Variants in MAF observed in about 807,000 individuals in gnomAD.
The protein encoded by MAF is transcription factor Maf.
Under a neutral mutation model 22.0 loss-of-function variants are expected in MAF, and 10 were observed. That is an observed-to-expected ratio of 0.45 (90% CI 0.28 to 0.77). The LOEUF is 0.77. Ranked by LOEUF, MAF falls within the 30% of genes least tolerant of loss-of-function variation. MAF has a pLI of 0.12. For synonymous variants in MAF, 337 were observed against 255.8 expected, an observed-to-expected ratio of 1.32 and a Z score of -3.03; for missense variants, 544 against 548.4, an observed-to-expected ratio of 0.99 and a Z score of 0.08.
the MAF span, among the ~76,000 whole-genome samples, chr16:79,574,382 T>C: frequency 6.6e-6 from 1 of 152,206 alleles, no homozygotes; most frequent in Non-Finnish European, 1.5e-5. Flanking sequence ...TGCAAATAAT[T>C]TGGGAATACC....
chr16:79,575,540 A>G, the MAF span, among the ~76,000 whole-genome samples: 1 of 152,182 alleles, frequency 6.6e-6, no homozygotes, highest in Admixed American at 6.5e-5. Flanking sequence ...GACTCTAGCC[A>G]ACCTCTGCTG....
intron 1 of MAF, chr16:79,595,517 G>T (rs1191372229): frequency 6.6e-6 from 7 of 1,059,806 alleles, no homozygotes; most frequent in Non-Finnish European, 6.9e-6. Flanking sequence ...GGTGTGCTAG[G>T]GGAAGATGAC....
the MAF span, among the ~76,000 whole-genome samples, chr16:79,239,981 G>C: frequency 6.6e-6 from 1 of 151,974 alleles, no homozygotes; most frequent in African/African-American, 2.4e-5. Flanking sequence ...GCCATGCCCA[G>C]GAAGGCTTCA....
At chr16:79,222,942 C>G in the MAF span, among the ~76,000 whole-genome samples, 4 of 152,198 alleles carry the variant, frequency 2.6e-5, no homozygotes, top group Non-Finnish European at 5.9e-5. Flanking sequence ...ACTCCACTGT[C>G]AATATTAGAC....
the MAF span, among the ~76,000 whole-genome samples, chr16:79,306,066 C>A: frequency 6.6e-6 from 1 of 152,190 alleles, no homozygotes; most frequent in African/African-American, 2.4e-5. Context: ...AGTCATGTGA[C>A]CACTAGCTTC....
chr16:79,541,099 G>T, the MAF span, among the ~76,000 whole-genome samples: 1 of 152,092 alleles, frequency 6.6e-6, no homozygotes, highest in Non-Finnish European at 1.5e-5. Context: ...GTTACTACTA[G>T]AGCTGCTGCT....
chr16:79,349,818 G>A, the MAF span, among the ~76,000 whole-genome samples: 3 of 152,186 alleles, frequency 2.0e-5, no homozygotes, highest in Non-Finnish European at 2.9e-5. Flanking sequence ...TGTGCGTTGT[G>A]AAAGGCCCTT....
At chr16:79,414,355 G>A in the MAF span, among the ~76,000 whole-genome samples, 1 of 152,156 alleles carries the variant, frequency 6.6e-6, no homozygotes, top group African/African-American at 2.4e-5. Context: ...GCAGGCAAGG[G>A]GAGCCAGCAT....
the MAF span, among the ~76,000 whole-genome samples, chr16:79,329,276 A>T: frequency 1.3e-5 from 2 of 152,192 alleles, no homozygotes; most frequent in African/African-American, 4.8e-5. Flanking sequence ...GCTGCCAGTG[A>T]GTGACTGAGA....
the MAF span, among the ~76,000 whole-genome samples, chr16:79,551,366 T>C: frequency 6.6e-6 from 1 of 152,152 alleles, no homozygotes; most frequent in Non-Finnish European, 1.5e-5. Context: ...GTCTTTCACT[T>C]TCCTTCTTGA....
chr16:79,227,429 T>C, the MAF span, among the ~76,000 whole-genome samples: 2 of 152,096 alleles, frequency 1.3e-5, no homozygotes, highest in Admixed American at 1.3e-4. Context: ...ATGAACACCA[T>C]CTCCCTGTGA....
chr16:79,252,570 A>T, the MAF span, among the ~76,000 whole-genome samples: 23,264 of 151,988 alleles, frequency 0.15, 2,811 homozygotes, highest in African/African-American at 0.34. Context: ...GCTCACTGCA[A>T]CCGCAACCTC....
At chr16:79,414,169 A>G in the MAF span, among the ~76,000 whole-genome samples, 1 of 152,176 alleles carries the variant, frequency 6.6e-6, no homozygotes. Context: ...CAGACACTAA[A>G]CCAAGTGTGA....
chr16:79,394,146 A>T, the MAF span, among the ~76,000 whole-genome samples: 2 of 152,200 alleles, frequency 1.3e-5, no homozygotes, highest in African/African-American at 4.8e-5. Context: ...AATAAATCAA[A>T]AGTCCAGAGA....
At chr16:79,308,098 G>A in the MAF span, among the ~76,000 whole-genome samples, 1 of 152,212 alleles carries the variant, frequency 6.6e-6, no homozygotes, top group Non-Finnish European at 1.5e-5. Context: ...GGGTCAGACT[G>A]TGTCATATCT....
the MAF span, among the ~76,000 whole-genome samples, chr16:79,462,293 G>T: frequency 6.6e-6 from 1 of 152,138 alleles, no homozygotes; most frequent in East Asian, 1.9e-4. Flanking sequence ...CCATTTTTAG[G>T]TGAGGAAACT....
the MAF span, among the ~76,000 whole-genome samples, chr16:79,546,119 C>A: frequency 6.6e-6 from 1 of 152,030 alleles, no homozygotes; most frequent in Admixed American, 6.5e-5. Context: ...GTGTTACCAA[C>A]ATCATCAAAA....
chr16:79,277,875 C>G, the MAF span, among the ~76,000 whole-genome samples: 3 of 152,104 alleles, frequency 2.0e-5, no homozygotes, highest in African/African-American at 7.2e-5. Flanking sequence ...ATCTGTGCCT[C>G]CTAAAGTGTG....
At chr16:79,537,772 T>A in the MAF span, among the ~76,000 whole-genome samples, 1 of 152,156 alleles carries the variant, frequency 6.6e-6, no homozygotes, top group East Asian at 1.9e-4. Flanking sequence ...AGCTGTTATC[T>A]TTTTTACTCA....
Sources: gnomAD v4.1 joint callset for allele counts (sites outside exome capture counted in the v4.1 genomes callset) on GRCh38, gnomAD v4.1.1 for gene constraint, MANE v1.5 for transcripts, NCBI Gene and HGNC (gene_info 2026-07-23, HGNC 2026-07-21) for gene names.